The following RUNDC3A variants were observed in gnomAD, a reference collection of about 807,000 sequenced individuals.
RUNDC3A encodes the protein RUN domain-containing protein 3A.
RUNDC3A carries 28 observed loss-of-function variants against 53.9 expected under a neutral mutation model. The observed-to-expected ratio is 0.52, with a 90% CI of 0.38 to 0.71. RUNDC3A has a LOEUF of 0.71. Among genes scored for constraint, RUNDC3A ranks in the 30% least tolerant of loss-of-function variants. The pLI is 0.00. For missense variants in RUNDC3A, 491 were observed against 597.3 expected, an observed-to-expected ratio of 0.82 and a Z score of 1.85; for synonymous variants, 232 against 249.4, an observed-to-expected ratio of 0.93 and a Z score of 0.66.
At position 44,316,542 on chromosome 17, in the gene RUNDC3A, G is replaced by T; in HGVS notation, c.1091+20G>T. The T allele has an allele frequency of 6.2e-7, 1 of 1,606,860 alleles. No individual in the cohort carries two copies. Among genetic ancestry groups the T allele is most frequent in the South Asian group, 1.1e-5 (1 of 90,166 alleles). On this transcript the variant is annotated intron_variant, in intron 9 of 10. Transcript: ENST00000426726. The stretch of plus-strand genomic sequence containing the variant: ...CCGGAGGTAAGCCCCAGCCAGGTGG[G>T]GCTTGGGCCTGAGAGCGGGTCGTCC...
At position 44,315,038 on chromosome 17, in the gene RUNDC3A, GGGGGACGGGGCCTCGGGACATCCT is replaced by G; in HGVS notation, c.629+37_629+60del. The G allele has an allele frequency of 6.2e-7, 1 of 1,612,856 alleles. No homozygotes were observed. The highest frequency in any genetic ancestry group is 8.5e-7 in the Non-Finnish European group (1 of 1,179,704). On this transcript the variant is annotated intron_variant, in intron 6 of 10. Transcript: ENST00000426726. The surrounding 1 kb of genome is among the most constrained non-coding windows in gnomAD (Gnocchi z 6.1). ...AGCGGCTCCATGACTGCGGCGGGGC[GGGGGACGGGGCCTCGGGACATCCT>G]GGGGACGTCCTGGTCCCACCGCCCT... is the stretch of plus-strand genomic sequence containing the variant.
intron 10 of RUNDC3A, 93 bp downstream of exon 10, chr17:44,316,818 G>GTA: frequency 2.0e-6 from 1 of 502,636 alleles, no homozygotes; most frequent in Non-Finnish European, 3.5e-6. Flanking sequence ...CATTCTCTTA[G>GTA]TCTTTTTTTT....
chr17:44,311,362 T>TTCAGAA, intron 1 of RUNDC3A: 1 of 984,988 alleles, frequency 1.0e-6, no homozygotes, highest in Non-Finnish European at 1.2e-6. Flanking sequence ...GAGCAGAAGC[T>TTCAGAA]TCAGAATCAG....
chr17:44,311,342 G>A (rs1371379134), intron 1 of RUNDC3A: 3 of 985,440 alleles, frequency 3.0e-6, no homozygotes, highest in Non-Finnish European at 2.4e-6. Flanking sequence ...GGCCACAGAT[G>A]TAGCAGAAAG....
Position 44,318,404 on chromosome 17 carries a change from T to C in RUNDC3A, c.*166T>C, listed in dbSNP as rs1291700818. The C allele has an allele frequency of 8.4e-6, 7 of 830,248 alleles. No individual in the cohort carries two copies. Among genetic ancestry groups the C allele is most frequent in the South Asian group, 7.5e-5 (4 of 53,362 alleles). 51.4% of individuals were successfully genotyped at this position (830,248 alleles called of 1,614,324 possible). ...GTCTGCTCACCTTAGCTTTCTGCCT[T>C]GGCAGCACGGGCTGCGGAAGAAAGC... On this transcript the variant is annotated 3_prime_UTR_variant, in exon 11 of 11. Coordinates refer to ENST00000426726, the MANE Select transcript of RUNDC3A (RefSeq NM_001144825.2).
intron 10 of RUNDC3A, chr17:44,317,377 G>C (rs550199250): frequency 2.6e-6 from 2 of 758,766 alleles, no homozygotes; most frequent in Admixed American, 1.8e-5. Context: ...TGACATCCTC[G>C]GGGGCTCACA....
Position 44,308,756 on chromosome 17 carries a change from G to T in RUNDC3A, c.-77G>T. ...GCCCCGTCGGACAGAGGGCCCAGCC[G>T]TGATCCAGCGACGGGTTTGGGGCTC... On this transcript the variant is annotated 5_prime_UTR_variant, in exon 1 of 11. Transcript: ENST00000426726. 2 of 989,080 alleles carry T rather than the reference G, an allele frequency of 2.0e-6. No individual in the cohort carries two copies. The highest frequency in any genetic ancestry group is 3.3e-5 in the South Asian group (2 of 61,158). 61.3% of individuals were successfully genotyped at this position (989,080 alleles called of 1,614,324 possible). A position where few individuals can be genotyped will look rare whatever the true frequency, so the allele number is the denominator to read the frequency against.
chr17:44,310,635 G>A, intron 1 of RUNDC3A: 2 of 930,372 alleles, frequency 2.1e-6, no homozygotes, highest in Non-Finnish European at 2.6e-6. Flanking sequence ...CCCTTTAGCA[G>A]GCCATGGGCT....
Position 44,308,823 on chromosome 17 carries a change from G to A in RUNDC3A, c.-10G>A, listed in dbSNP as rs772512956. The A allele has an allele frequency of 3.8e-6, 6 of 1,580,660 alleles. No individual in the cohort carries two copies. The highest frequency in any genetic ancestry group is 1.7e-4 in the Middle Eastern group (1 of 5,870). ...GCAGCGGGCGGCGGCAGCAGTGGCC[G>A]CACATCTGGATGGAAGCGAGCTTTG... On this transcript the variant is annotated 5_prime_UTR_variant, in exon 1 of 11. Coordinates refer to ENST00000426726, the MANE Select transcript of RUNDC3A (RefSeq NM_001144825.2).
rs1598329552 is a variant in RUNDC3A at position 44,315,390 on chromosome 17, G to T, written c.796-62G>T. 1 of 1,314,542 alleles carries T rather than the reference G, an allele frequency of 7.6e-7. No homozygotes were observed. The highest frequency in any genetic ancestry group is 9.7e-7 in the Non-Finnish European group (1 of 1,028,784). The allele number at this position is 1,314,542 out of a possible 1,614,324, so 81.4% of individuals were successfully genotyped here. A position where few individuals can be genotyped will look rare whatever the true frequency, so the allele number is the denominator to read the frequency against. On this transcript the variant is annotated intron_variant, in intron 7 of 10. Coordinates refer to ENST00000426726, the MANE Select transcript of RUNDC3A (RefSeq NM_001144825.2). This position sits in a 1 kb window ranked among gnomAD's most constrained non-coding sequence, Gnocchi z 6.1. ...GGATCCGGGCATCCCGGGGCGGGGCGGGGATGGGGGCCGCGGCCGGGACGT... is the reference window on the plus strand; with the variant it reads ...GGATCCGGGCATCCCGGGGCGGGGCTGGGATGGGGGCCGCGGCCGGGACGT...
intron 1 of RUNDC3A, among the ~76,000 whole-genome samples, chr17:44,309,597 G>A (rs996247193): frequency 6.6e-6 from 1 of 152,050 alleles, no homozygotes; most frequent in Non-Finnish European, 1.5e-5. Flanking sequence ...CCCAGGAAGT[G>A]ATCCTGTTCA....
At chr17:44,311,287 A>G in intron 1 of RUNDC3A, 2 of 985,514 alleles carry the variant, frequency 2.0e-6, no homozygotes, top group Non-Finnish European at 2.4e-6. Context: ...AGGGCGGTGG[A>G]GCAGGGGCTG....
rs1415228420 is a variant in RUNDC3A at position 44,316,630 on chromosome 17, T to C, written c.1103T>C (p.Met368Thr). The change falls in exon 10 of 11, where the codon ATG (methionine) becomes ACG (threonine). Residue 368 changes from methionine (M) to threonine (T), a missense_variant. Met to Thr is a moderately conservative substitution (Grantham distance 81). Coordinates refer to ENST00000426726, the MANE Select transcript of RUNDC3A (RefSeq NM_001144825.2). Reference sequence around the variant, plus strand: ...TCGCTCTGCCGCAGACACAGCTTCATGAGCACGGAGCCGCTGTCAGCTGAA... The same window carrying C: ...TCGCTCTGCCGCAGACACAGCTTCACGAGCACGGAGCCGCTGTCAGCTGAA... Reference protein sequence around the residue: ...NSKLYRRHSFMSTEPLSAEAS... With the variant: ...NSKLYRRHSFTSTEPLSAEAS... 2 of 1,551,522 alleles carry C rather than the reference T, an allele frequency of 1.3e-6. No individual in the cohort carries two copies. Among genetic ancestry groups the C allele is most frequent in the Admixed American group, 2.0e-5 (1 of 51,052 alleles).
At chr17:44,310,966 C>T in intron 1 of RUNDC3A, 1 of 985,586 alleles carries the variant, frequency 1.0e-6, no homozygotes, top group Non-Finnish European at 1.2e-6. Context: ...GCCCTAGGCA[C>T]CTACCTTCTC....
chr17:44,315,108 C>A lies in RUNDC3A; in HGVS notation c.630-47C>A. 1 of 1,599,546 alleles carries A rather than the reference C, an allele frequency of 6.3e-7. No individual in the cohort carries two copies. The highest frequency in any genetic ancestry group is 1.1e-5 in the South Asian group (1 of 90,096). On this transcript the variant is annotated intron_variant, in intron 6 of 10. Coordinates refer to ENST00000426726, the MANE Select transcript of RUNDC3A (RefSeq NM_001144825.2). The surrounding 1 kb of genome is among the most constrained non-coding windows in gnomAD (Gnocchi z 6.1). Reference sequence around the variant, plus strand: ...GCCCTCAGCGGCCAGCGCAGACGCGCGGGGGGAGGGGCGGGACCGGCCGTG... The same window carrying A: ...GCCCTCAGCGGCCAGCGCAGACGCGAGGGGGGAGGGGCGGGACCGGCCGTG...
Position 44,315,182 on chromosome 17 carries a change from G to T in RUNDC3A, c.657G>T (p.Glu219Asp). The change falls in exon 7 of 11, where the codon GAG (glutamate) becomes GAT (aspartate). Residue 219 changes from glutamate (E) to aspartate (D), a missense_variant. This residue lies in a region of RUNDC3A where 273 missense variants were observed against 389.0 expected (regional missense o/e 0.70). Coordinates refer to ENST00000426726, the MANE Select transcript of RUNDC3A (RefSeq NM_001144825.2). The surrounding 1 kb of genome is among the most constrained non-coding windows in gnomAD (Gnocchi z 6.1). ...QSYDYLTDEE[E>D]RHSAESSTSE... ...ACGACTACCTGACGGACGAGGAGGA[G>T]CGGCACAGCGCCGAGAGCAGCACGA... 1 of 1,562,726 alleles carries T rather than the reference G, an allele frequency of 6.4e-7. No homozygotes were observed.
chr17:44,314,640 G>C, intron 4 of RUNDC3A, 95 bp from the exon 5 acceptor site: 1 of 1,515,712 alleles, frequency 6.6e-7, no homozygotes, highest in East Asian at 2.4e-5. Flanking sequence ...CCTTCCTTCA[G>C]GATGGGGTGG....
intron 4 of RUNDC3A, chr17:44,314,458 T>C: frequency 1.5e-6 from 2 of 1,357,506 alleles, no homozygotes; most frequent in Non-Finnish European, 1.9e-6. Flanking sequence ...TAAGACTTGC[T>C]TCCTGATATG....
At chr17:44,316,772 A>T in intron 10 of RUNDC3A, 47 bp downstream of exon 10, 6 of 1,176,202 alleles carry the variant, frequency 5.1e-6, no homozygotes, top group Non-Finnish European at 6.0e-6. Context: ...GAAAGGGCTG[A>T]GGCAAGGCCC....
Sources: allele counts gnomAD v4.1 joint callset (sites outside exome capture counted in the v4.1 genomes callset), GRCh38; gene constraint gnomAD v4.1.1; regional missense constraint gnomAD v4.1.1; non-coding constraint Gnocchi (gnomAD v3.1); transcripts MANE v1.5; gene names NCBI Gene and HGNC (gene_info 2026-07-23, HGNC 2026-07-21).